Variants in PLA2G4E observed in about 807,000 individuals in gnomAD.
PLA2G4E encodes the protein phospholipase A2 group IVE, also known as cytosolic phospholipase A2 epsilon.
In PLA2G4E, 84 loss-of-function variants were observed where a neutral mutation model predicts 109.1. The ratio of observed to expected loss-of-function variants is 0.77; its 90% CI spans 0.65 to 0.92. The LOEUF (loss-of-function observed/expected upper bound fraction) is 0.92, where lower values mean the gene tolerates loss of function less well. Ranked by LOEUF, PLA2G4E falls within the 40% of genes least tolerant of loss-of-function variation. PLA2G4E has a pLI of 0.00. For missense variants in PLA2G4E, 1,057 were observed against 1,076.6 expected, an observed-to-expected ratio of 0.98 and a Z score of 0.25; for synonymous variants, 469 against 436.1, an observed-to-expected ratio of 1.08 and a Z score of -0.94.
chr15:41,997,486 T>C, intron 10 of PLA2G4E: 1 of 388,444 alleles, frequency 2.6e-6, no homozygotes, highest in Non-Finnish European at 4.5e-6. Context: ...CCCAAAGCCT[T>C]AGCTGGCACA....
chr15:41,988,500 G>C (rs147788656), intron 15 of PLA2G4E, among the ~76,000 whole-genome samples: 5 of 152,272 alleles, frequency 3.3e-5, no homozygotes, highest in African/African-American at 1.2e-4. Flanking sequence ...GGCAGCACCT[G>C]GCACATGGCG....
chr15:42,007,838 A>G, exon 3 of PLA2G4E: 1 of 1,607,252 alleles, frequency 6.2e-7, no homozygotes, highest in Non-Finnish European at 8.5e-7. Context: ...GGGCAGCCAG[A>G]GGCTCACAAA....
At chr15:42,042,586 A>G (rs763271405) in intron 1 of PLA2G4E, among the ~76,000 whole-genome samples, 9 of 152,326 alleles carry the variant, frequency 5.9e-5, no homozygotes, top group Non-Finnish European at 1.3e-4. Flanking sequence ...AGATATTTAT[A>G]TATGTCAGCT....
chr15:42,041,587 T>C (rs991418459), intron 1 of PLA2G4E, among the ~76,000 whole-genome samples: 7 of 152,160 alleles, frequency 4.6e-5, no homozygotes, highest in Admixed American at 2.0e-4. Context: ...AGGAGACCCA[T>C]TGAAGTCAGA....
rs370624716 is a variant in PLA2G4E, at chr15:41,988,036, C to T, written c.1831+13G>A. 1.5e-4 allele frequency: 234 copies of T among 1,576,248 alleles called. 1 individual carries two copies. The highest frequency in any genetic ancestry group is 6.7e-4 in the African/African-American group (50 of 74,212). On this transcript the variant is annotated intron_variant, in intron 16 of 19. Coordinates refer to ENST00000399518, the Ensembl canonical transcript of PLA2G4E. Reference sequence around the variant, plus strand: ...CCATCACCCAGCCATGAGGGAAAGCCGGGGTCACCCACCGATGTCCTGCAC... The same window carrying T: ...CCATCACCCAGCCATGAGGGAAAGCTGGGGTCACCCACCGATGTCCTGCAC...
At chr15:42,028,959 C>G (rs1189856016) in intron 1 of PLA2G4E, among the ~76,000 whole-genome samples, 1 of 152,048 alleles carries the variant, frequency 6.6e-6, no homozygotes, top group Non-Finnish European at 1.5e-5. Context: ...AAAGTATAAA[C>G]ATTACAAGAA....
chr15:41,987,909 C>G, intron 16 of PLA2G4E, 140 bp downstream of exon 16: 1 of 578,320 alleles, frequency 1.7e-6, no homozygotes, highest in Non-Finnish European at 3.2e-6. Context: ...CCCCATCACC[C>G]AGCCATGAGG....
chr15:42,044,716 G>A (rs1463630636), intron 1 of PLA2G4E, among the ~76,000 whole-genome samples: 4 of 151,612 alleles, frequency 2.6e-5, no homozygotes, highest in East Asian at 1.9e-4. Context: ...GCACACCAAC[G>A]TGGCACGTGT....
chr15:42,020,199 C>T (rs531889277), intron 1 of PLA2G4E, among the ~76,000 whole-genome samples: 2 of 152,238 alleles, frequency 1.3e-5, no homozygotes, highest in Non-Finnish European at 2.9e-5. Flanking sequence ...CAGGGCATCA[C>T]CCATGTCATT....
rs573871322 is a variant in PLA2G4E at position 41,984,039 on chromosome 15, A to G, written c.2387-65T>C. Reference sequence around the variant, plus strand: ...TTAGGTTGGAATGACTTGTTTCCACATCTCTCCCCAAGGCCCACCAACCTG... The same window carrying G: ...TTAGGTTGGAATGACTTGTTTCCACGTCTCTCCCCAAGGCCCACCAACCTG... On this transcript the variant is annotated intron_variant, in intron 19 of 19. Coordinates refer to ENST00000399518, the Ensembl canonical transcript of PLA2G4E. The G allele has an allele frequency of 6.2e-6, 9 of 1,454,212 alleles. No homozygotes were observed. In the East Asian group the frequency reaches 1.5e-4, roughly 24 times the overall value. The allele number at this position is 1,454,212 out of a possible 1,614,324, so 90.1% of individuals were successfully genotyped here.
At position 41,993,036 on chromosome 15, in the gene PLA2G4E, G is replaced by C. The variant is rs987907698; in HGVS notation, c.1248-77C>G. 2.5e-5 allele frequency: 33 copies of C among 1,340,848 alleles called. 1 individual carries two copies. The highest frequency in any genetic ancestry group is 1.7e-4 in the South Asian group (12 of 72,122). The allele number at this position is 1,340,848 out of a possible 1,614,324, so 83.1% of individuals were successfully genotyped here. A position where few individuals can be genotyped will look rare whatever the true frequency, so the allele number is the denominator to read the frequency against. On this transcript the variant is annotated intron_variant, in intron 12 of 19. Coordinates refer to ENST00000399518, the Ensembl canonical transcript of PLA2G4E. ...AGTCCTGGACCCGGGCAGGAGGGAA[G>C]GTGGGCAGGCCATTGAGAACCCTAA... is the stretch of plus-strand genomic sequence containing the variant.
intron 6 of PLA2G4E, among the ~76,000 whole-genome samples, 156 bp downstream of exon 6, chr15:42,002,498 C>T (rs984997315): frequency 1.6e-4 from 24 of 152,194 alleles, no homozygotes; most frequent in African/African-American, 3.1e-4. Flanking sequence ...GCTGCCTGTG[C>T]CCCATTTGGC....
intron 1 of PLA2G4E, among the ~76,000 whole-genome samples, chr15:42,016,462 T>C (rs1349927423): frequency 2.0e-5 from 3 of 152,044 alleles, no homozygotes; most frequent in East Asian, 1.9e-4. Context: ...CTCAGTCTCC[T>C]GAGTAGCTGG....
exon 17 of PLA2G4E, chr15:41,987,189 T>C (rs2068155322): frequency 6.2e-7 from 1 of 1,613,770 alleles, no homozygotes; most frequent in Non-Finnish European, 8.5e-7. Flanking sequence ...CCTAGAGAAC[T>C]GGCCATTCTG....
intron 1 of PLA2G4E, among the ~76,000 whole-genome samples, chr15:42,030,612 C>G (rs1431543480): frequency 6.6e-6 from 1 of 152,158 alleles, no homozygotes; most frequent in Non-Finnish European, 1.5e-5. Flanking sequence ...CAGGTGGCAG[C>G]CTTCATTCAT....
chr15:42,041,724 C>T (rs899822815), intron 1 of PLA2G4E, among the ~76,000 whole-genome samples: 1 of 152,142 alleles, frequency 6.6e-6, no homozygotes, highest in Admixed American at 6.5e-5. Context: ...TGCTTATTCA[C>T]TTTGCTACCG....
intron 1 of PLA2G4E, among the ~76,000 whole-genome samples, chr15:42,019,001 C>T (rs2068622633): frequency 6.6e-6 from 1 of 152,204 alleles, no homozygotes; most frequent in Non-Finnish European, 1.5e-5. Context: ...CTTATCTAAC[C>T]TTCCAACCAC....
chr15:41,987,290 G>C, exon 17 of PLA2G4E: 1 of 1,613,960 alleles, frequency 6.2e-7, no homozygotes, highest in Non-Finnish European at 8.5e-7. Context: ...GGAAAGAATT[G>C]GACAGCCATG....
chr15:42,010,073 A>ACTCAC (rs765246315), intron 2 of PLA2G4E: 6 of 489,342 alleles, frequency 1.2e-5, no homozygotes, highest in South Asian at 9.9e-5. Flanking sequence ...TGATAGGGAG[A>ACTCAC]CTCACCAGGA....
Sources: gnomAD v4.1 joint callset for allele counts (sites outside exome capture counted in the v4.1 genomes callset) on GRCh38, gnomAD v4.1.1 for gene constraint, MANE v1.5 for transcripts, NCBI Gene and HGNC (gene_info 2026-07-23, HGNC 2026-07-21) for gene names.